FAM8A1: variants seen among roughly 807,000 people sequenced by gnomAD.
FAM8A1 encodes the protein family with sequence similarity 8 member A1.
A neutral mutation model predicts 38.3 loss-of-function variants in FAM8A1; 18 were observed. That is an observed-to-expected ratio of 0.47 (90% CI 0.33 to 0.70). The LOEUF is 0.70. Ranked by LOEUF, FAM8A1 falls within the 30% of genes least tolerant of loss-of-function variation. The pLI, the probability that FAM8A1 is intolerant of heterozygous loss-of-function variation, is 0.03. For missense variants in FAM8A1, 559 were observed against 559.6 expected (o/e 1.00, Z 0.01); for synonymous variants, 246 against 234.4 (o/e 1.05, Z -0.45).
Position 17,600,468 on chromosome 6 carries a change from G to A in FAM8A1, c.59G>A (p.Gly20Glu), listed in dbSNP as rs1366082022. Residue 20 changes from glycine (G) to glutamate (E), a missense_variant, in exon 1 of 5, where the codon GGG (glycine) becomes GAG (glutamate). This residue lies in a region of FAM8A1 where 393 missense variants were observed against 338.9 expected (regional missense o/e 1.16). Transcript: ENST00000259963. ...CCTCCCGGGCAGGACGATGGCGGAG[G>A]GGACCACGAGCCCGTCCCTTCCCTG... is the stretch of plus-strand genomic sequence containing the variant. ...GHPPGQDDGG[G>E]DHEPVPSLRG... 4.0e-6 allele frequency: 6 copies of A among 1,505,088 alleles called. No homozygotes were observed. Among genetic ancestry groups the A allele is most frequent in the Non-Finnish European group, 4.4e-6 (5 of 1,129,538 alleles). The allele number at this position is 1,505,088 out of a possible 1,614,324, so 93.2% of individuals were successfully genotyped here. A position where few individuals can be genotyped will look rare whatever the true frequency, so the allele number is the denominator to read the frequency against.
chr6:17,606,103 GCTT>G, intron 4 of FAM8A1, 90 bp downstream of exon 4: 2 of 944,022 alleles, frequency 2.1e-6, no homozygotes, highest in Non-Finnish European at 2.9e-6. Flanking sequence ...TAGTAGATAG[GCTT>G]ATATTTATTA....
chr6:17,603,990 A>G (rs1485120289), intron 2 of FAM8A1, among the ~76,000 whole-genome samples: 3 of 152,034 alleles, frequency 2.0e-5, no homozygotes, highest in African/African-American at 7.2e-5. Flanking sequence ...TTTTATCTCA[A>G]TCCAGTCTCT....
In FAM8A1 at chr6:17,610,359, T is replaced by A. The variant is rs568817059; in HGVS notation, c.*2020T>A. 1 of 152,270 alleles carries A rather than the reference T, an allele frequency of 6.6e-6. No individual in the cohort carries two copies. Among genetic ancestry groups the A allele is most frequent in the East Asian group, 1.9e-4 (1 of 5,182 alleles). 9.4% of individuals were successfully genotyped at this position (152,270 alleles called of 1,614,324 possible). ...CTTAGAATATTGCACATTTTCTATA[T>A]ATGAGTTATTCAGATTAGTATCTAT... On this transcript the variant is annotated 3_prime_UTR_variant, in exon 5 of 5. Transcript: ENST00000259963.
chr6:17,600,609 T>A lies in FAM8A1; in HGVS notation c.200T>A (p.Leu67Ter). 1 of 1,499,870 alleles carries A rather than the reference T, an allele frequency of 6.7e-7. No individual in the cohort carries two copies. The highest frequency in any genetic ancestry group is 8.9e-7 in the Non-Finnish European group (1 of 1,129,246). The allele number at this position is 1,499,870 out of a possible 1,614,324, so 92.9% of individuals were successfully genotyped here. Reference sequence around the variant, plus strand: ...GCGGCTGCCGCCGCAGCCGACAAATTGGAGCCGCCGCGCGAGCTCAGGAAG... The same window carrying A: ...GCGGCTGCCGCCGCAGCCGACAAATAGGAGCCGCCGCGCGAGCTCAGGAAG... ...GLAAAAAADK[L>*]EPPRELRKRG... The change falls in exon 1 of 5, where the codon TTG becomes TAG. Residue 67 changes from leucine (L) to a stop codon, truncating the protein, a stop_gained. Coordinates refer to ENST00000259963, the MANE Select transcript of FAM8A1 (RefSeq NM_016255.3). LOFTEE classifies it high-confidence loss of function.
In FAM8A1 at chr6:17,604,947, T is replaced by C. The variant is rs1230090689; in HGVS notation, c.875T>C (p.Ile292Thr). 2.5e-6 allele frequency: 4 copies of C among 1,605,014 alleles called. No homozygotes were observed. The highest frequency in any genetic ancestry group is 1.7e-6 in the Non-Finnish European group (2 of 1,173,544). Residue 292 changes from isoleucine (I) to threonine (T), a missense_variant, in exon 3 of 5, where the codon ATA (isoleucine) becomes ACA (threonine). Around this residue, in one of 2 missense-constraint regions of FAM8A1, gnomAD observed 166 missense variants for 220.8 expected, o/e 0.75. Coordinates refer to ENST00000259963, the MANE Select transcript of FAM8A1 (RefSeq NM_016255.3). ...KFAMHYIIEE[I>T]DEDTSMEDLQ... is the part of the protein sequence containing the mutation. ...GCTATGCATTATATAATAGAAGAAA[T>C]AGATGAAGACACATCAATGGAAGAC...
intron 3 of FAM8A1, 76 bp downstream of exon 3, chr6:17,605,105 G>A (rs1362919077): frequency 2.2e-6 from 3 of 1,355,582 alleles, no homozygotes; most frequent in Non-Finnish European, 3.0e-6. Flanking sequence ...TTTTGAGACA[G>A]AGTCTCGCTC....
chr6:17,608,410 T>TA lies in FAM8A1; in HGVS notation c.*72dup. The TA allele has an allele frequency of 6.7e-7, 1 of 1,500,182 alleles. No individual in the cohort carries two copies. 92.9% of individuals were successfully genotyped at this position (1,500,182 alleles called of 1,614,324 possible). A position where few individuals can be genotyped will look rare whatever the true frequency, so the allele number is the denominator to read the frequency against. ...ATCAAGGCCATCAGTATCCCTGGGT[T>TA]ACACTAATTGATGATTTAGAAATTA... On this transcript the variant is annotated 3_prime_UTR_variant, in exon 5 of 5. Transcript: ENST00000259963.
In FAM8A1 at chr6:17,610,317, C is replaced by T. The variant is rs1213660371; in HGVS notation, c.*1978C>T. The T allele has an allele frequency of 6.6e-6, 1 of 151,806 alleles. No homozygotes were observed. Among genetic ancestry groups the T allele is most frequent in the Non-Finnish European group, 1.5e-5 (1 of 67,928 alleles). 9.4% of individuals were successfully genotyped at this position (151,806 alleles called of 1,614,324 possible). A position where few individuals can be genotyped will look rare whatever the true frequency, so the allele number is the denominator to read the frequency against. ...ACTATAAAACAAAAGCAAACTAGTC[C>T]AGTTTAATTTTTTGTACTTAGAATA... On this transcript the variant is annotated 3_prime_UTR_variant, in exon 5 of 5. Transcript: ENST00000259963.
At chr6:17,604,217 A>G (rs921119828) in intron 2 of FAM8A1, among the ~76,000 whole-genome samples, 5 of 151,966 alleles carry the variant, frequency 3.3e-5, no homozygotes, top group African/African-American at 9.7e-5. Context: ...AGCCCCTTCA[A>G]TGGTTTCTCT....
Position 17,608,341 on chromosome 6 carries a change from G to GC in FAM8A1, c.*8dup. ...GTAAAAAGAAATGGGGTCAGATGAT[G>GC]CCCCCCAAAACCCTGATTTCCACAC... is the stretch of plus-strand genomic sequence containing the variant. On this transcript the variant is annotated 3_prime_UTR_variant, in exon 5 of 5. Coordinates refer to ENST00000259963, the MANE Select transcript of FAM8A1 (RefSeq NM_016255.3). 4 of 1,609,458 alleles carry GC rather than the reference G, an allele frequency of 2.5e-6. No homozygotes were observed. Among genetic ancestry groups the GC allele is most frequent in the South Asian group, 2.2e-5 (2 of 90,490 alleles).
intron 1 of FAM8A1, 80 bp downstream of exon 1, chr6:17,601,201 A>G: frequency 2.0e-6 from 3 of 1,486,194 alleles, no homozygotes; most frequent in Non-Finnish European, 2.7e-6. Context: ...CGCTTTTTAG[A>G]CCTGTAACTG....
chr6:17,602,120 TC>T (rs1211854861), intron 1 of FAM8A1, among the ~76,000 whole-genome samples: 1 of 152,214 alleles, frequency 6.6e-6, no homozygotes, highest in Non-Finnish European at 1.5e-5. Context: ...AGCCTCCGCC[TC>T]CCAGGTTCAA....
Position 17,608,428 on chromosome 6 carries a change from A to G in FAM8A1, c.*89A>G. On this transcript the variant is annotated 3_prime_UTR_variant, in exon 5 of 5. Coordinates refer to ENST00000259963, the MANE Select transcript of FAM8A1 (RefSeq NM_016255.3). ...CCTGGGTTACACTAATTGATGATTT[A>G]GAAATTAAAGCAGTCACTCCAGTGT... 2 of 1,431,114 alleles carry G rather than the reference A, an allele frequency of 1.4e-6. No homozygotes were observed. The highest frequency in any genetic ancestry group is 1.9e-6 in the Non-Finnish European group (2 of 1,066,816). The allele number at this position is 1,431,114 out of a possible 1,614,324, so 88.7% of individuals were successfully genotyped here.
chr6:17,603,827 C>A (rs1399415645), intron 2 of FAM8A1, among the ~76,000 whole-genome samples: 3 of 152,048 alleles, frequency 2.0e-5, no homozygotes, highest in Non-Finnish European at 4.4e-5. Flanking sequence ...CTCAAATGAT[C>A]CTCCTGCCTT....
At chr6:17,606,676 T>G (rs1234924367) in intron 4 of FAM8A1, among the ~76,000 whole-genome samples, 2 of 152,182 alleles carry the variant, frequency 1.3e-5, no homozygotes, top group Non-Finnish European at 2.9e-5. Flanking sequence ...CCATCTTGAA[T>G]AGGCAGCAGA....
At position 17,608,298 on chromosome 6, in the gene FAM8A1, G is replaced by GT. The variant is rs1764086402; in HGVS notation, c.1202dup (p.Ala402SerfsTer24). ...GCATAATCGAACAGCTTATGACATTGTAGCAGGAACCATTGTGGTAAAAAG... is the reference window on the plus strand; with the variant it reads ...GCATAATCGAACAGCTTATGACATTGTTAGCAGGAACCATTGTGGTAAAAAG... On this transcript the variant is annotated frameshift_variant, in exon 5 of 5. Transcript: ENST00000259963. LOFTEE classifies it high-confidence loss of function. 6.2e-7 allele frequency: 1 copy of GT among 1,612,180 alleles called. No homozygotes were observed. Among genetic ancestry groups the GT allele is most frequent in the Non-Finnish European group, 8.5e-7 (1 of 1,179,458 alleles).
At chr6:17,603,276 A>T (rs1764010900) in intron 2 of FAM8A1, among the ~76,000 whole-genome samples, 1 of 152,234 alleles carries the variant, frequency 6.6e-6, no homozygotes, top group Admixed American at 6.5e-5. Context: ...TCACTTCTTT[A>T]TGTGGATTCT....
Position 17,600,547 on chromosome 6 carries a change from ACCCCAGGCCCCGGGCCGGCCCACAG to A in FAM8A1, c.143_167del (p.Gln48ArgfsTer53). ...GCCCCCGCGACGACCCCCAGGCCGA[ACCCCAGGCCCCGGGCCGGCCCACAG>A]CCCCGGGCCTCGCGGCTGCCGCCGC... On this transcript the variant is annotated frameshift_variant, in exon 1 of 5. Transcript: ENST00000259963. LOFTEE classifies it high-confidence loss of function. The A allele has an allele frequency of 6.6e-7, 1 of 1,511,582 alleles. No individual in the cohort carries two copies. Among genetic ancestry groups the A allele is most frequent in the Non-Finnish European group, 8.8e-7 (1 of 1,133,858 alleles). The allele number at this position is 1,511,582 out of a possible 1,614,324, so 93.6% of individuals were successfully genotyped here.
Position 17,600,764 on chromosome 6 carries a change from G to A in FAM8A1, c.355G>A (p.Glu119Lys). The change falls in exon 1 of 5, where the codon GAG (glutamate) becomes AAG (lysine). Residue 119 changes from glutamate to lysine, a missense_variant. Physicochemically the swap from Glu to Lys is moderately conservative, Grantham distance 56. This residue lies in a region of FAM8A1 where 393 missense variants were observed against 338.9 expected (regional missense o/e 1.16). Coordinates refer to ENST00000259963, the MANE Select transcript of FAM8A1 (RefSeq NM_016255.3). ...SAREYSRQVH[E>K]WLWQSYCGYL... ...CCGCGAGTACTCCCGGCAAGTGCAC[G>A]AGTGGCTGTGGCAGTCCTACTGCGG... 1 of 1,611,040 alleles carries A rather than the reference G, an allele frequency of 6.2e-7. No homozygotes were observed. Among genetic ancestry groups the A allele is most frequent in the Non-Finnish European group, 8.5e-7 (1 of 1,179,674 alleles).
Sources: gnomAD v4.1 joint callset for allele counts (sites outside exome capture counted in the v4.1 genomes callset) on GRCh38, gnomAD v4.1.1 for gene constraint, gnomAD v4.1.1 regional missense constraint, MANE v1.5 for transcripts, NCBI Gene and HGNC (gene_info 2026-07-23, HGNC 2026-07-21) for gene names.